The following SAMTOR variants were observed in gnomAD, a reference collection of about 807,000 sequenced individuals.
The protein encoded by SAMTOR is S-adenosylmethionine sensor upstream of mTORC1, also known as UPF0532 protein C7orf60.
chr7:112,846,144 A>ATTTTTTTTTT, the SAMTOR span, among the ~76,000 whole-genome samples: 1 of 95,898 alleles, frequency 1.0e-5, no homozygotes, highest in African/African-American at 5.4e-5. Context: ...AATCTGTACA[A>ATTTTTTTTTT]CTTTTTTTTT....
the SAMTOR span, among the ~76,000 whole-genome samples, chr7:112,932,719 G>A: frequency 2.6e-5 from 4 of 152,144 alleles, no homozygotes; most frequent in Non-Finnish European, 5.9e-5. Context: ...GGGCACTTAG[G>A]TAGGGGCACT....
At chr7:112,861,495 C>T in the SAMTOR span, among the ~76,000 whole-genome samples, 2 of 152,110 alleles carry the variant, frequency 1.3e-5, no homozygotes, top group Non-Finnish European at 1.5e-5. Flanking sequence ...TAGGAGTATA[C>T]ATCATGACCG....
the SAMTOR span, chr7:112,819,947 T>C: frequency 2.0e-5 from 3 of 152,492 alleles, no homozygotes; most frequent in African/African-American, 2.4e-5. Flanking sequence ...CTTAACATAG[T>C]GCTTTTTTTT....
chr7:112,915,787 A>G, the SAMTOR span, among the ~76,000 whole-genome samples: 1 of 152,220 alleles, frequency 6.6e-6, no homozygotes, highest in Non-Finnish European at 1.5e-5. Flanking sequence ...TCAGTTAATA[A>G]TCCAAAGACA....
At chr7:112,870,987 C>G in the SAMTOR span, among the ~76,000 whole-genome samples, 1 of 152,038 alleles carries the variant, frequency 6.6e-6, no homozygotes, top group South Asian at 2.1e-4. Flanking sequence ...CTGAACTACC[C>G]TAAATAATAT....
At chr7:112,843,938 G>A in the SAMTOR span, among the ~76,000 whole-genome samples, 1 of 152,134 alleles carries the variant, frequency 6.6e-6, no homozygotes, top group Admixed American at 6.6e-5. Flanking sequence ...CCACAGTCAA[G>A]TAGGCTTTAT....
the SAMTOR span, among the ~76,000 whole-genome samples, chr7:112,882,083 C>T: frequency 5.3e-5 from 8 of 152,334 alleles, no homozygotes; most frequent in East Asian, 3.9e-4. Flanking sequence ...ATGCCCACAG[C>T]GGAAGCTGCT....
the SAMTOR span, among the ~76,000 whole-genome samples, chr7:112,913,773 CTTGGTAGGGCTGG>C: frequency 0.011 from 1,623 of 152,296 alleles, 30 homozygotes; most frequent in African/African-American, 0.037. Flanking sequence ...GGTCTTCAGA[CTTGGTAGGGCTGG>C]CTTACTGTCT....
the SAMTOR span, among the ~76,000 whole-genome samples, chr7:112,920,604 A>C: frequency 6.8e-6 from 1 of 147,208 alleles, no homozygotes; most frequent in East Asian, 2.0e-4. Context: ...GGCCAGGGCA[A>C]TTAGGCAGGA....
At chr7:112,858,238 T>C in the SAMTOR span, among the ~76,000 whole-genome samples, 1 of 152,050 alleles carries the variant, frequency 6.6e-6, no homozygotes, top group Admixed American at 6.6e-5. Flanking sequence ...GAAACATTCA[T>C]AGTCTTTGAA....
chr7:112,890,036 G>A, the SAMTOR span, among the ~76,000 whole-genome samples: 1 of 152,140 alleles, frequency 6.6e-6, no homozygotes, highest in East Asian at 1.9e-4. Flanking sequence ...CAGAATGGAG[G>A]ACTAGTCAGA....
the SAMTOR span, among the ~76,000 whole-genome samples, chr7:112,921,130 C>T: frequency 6.6e-6 from 1 of 152,180 alleles, no homozygotes; most frequent in African/African-American, 2.4e-5. Context: ...AAAGAGCCCG[C>T]ATCACCAAGT....
At chr7:112,939,745 C>G in the SAMTOR span, 1 of 1,597,798 alleles carries the variant, frequency 6.3e-7, no homozygotes, top group South Asian at 1.1e-5. Context: ...CGGCCCCTGG[C>G]TCCATATCGC....
chr7:112,930,699 T>C, the SAMTOR span, among the ~76,000 whole-genome samples: 2 of 152,216 alleles, frequency 1.3e-5, no homozygotes, highest in Admixed American at 1.3e-4. Flanking sequence ...TTCTGTATTT[T>C]ACAAGCTTAG....
At chr7:112,824,346 G>GT in the SAMTOR span, among the ~76,000 whole-genome samples, 2 of 151,320 alleles carry the variant, frequency 1.3e-5, no homozygotes, top group South Asian at 2.1e-4. Flanking sequence ...TACATTTTGA[G>GT]TTTTTTTTGT....
At chr7:112,907,833 T>TCTTA in the SAMTOR span, among the ~76,000 whole-genome samples, 123 of 130,090 alleles carry the variant, frequency 9.5e-4, 3 homozygotes, top group East Asian at 1.2e-3. Context: ...AAATGGGTAT[T>TCTTA]CTTACTTACT....
At chr7:112,932,626 T>A in the SAMTOR span, among the ~76,000 whole-genome samples, 1 of 152,122 alleles carries the variant, frequency 6.6e-6, no homozygotes, top group Non-Finnish European at 1.5e-5. Context: ...CTAAGTTTAG[T>A]AGATAAAACA....
chr7:112,912,876 G>C, the SAMTOR span, among the ~76,000 whole-genome samples: 1 of 152,060 alleles, frequency 6.6e-6, no homozygotes, highest in African/African-American at 2.4e-5. Context: ...TCAAGTAGAA[G>C]GTGAAAGCAA....
chr7:112,821,955 C>G, the SAMTOR span: 1 of 1,613,100 alleles, frequency 6.2e-7, no homozygotes, highest in Non-Finnish European at 8.5e-7. Context: ...ATATAACATT[C>G]CTGGGTAGTT....
Sources: allele counts gnomAD v4.1 joint callset (sites outside exome capture counted in the v4.1 genomes callset), GRCh38; gene constraint gnomAD v4.1.1; transcripts MANE v1.5; gene names NCBI Gene and HGNC (gene_info 2026-07-23, HGNC 2026-07-21).